The following ACAP2 variants were observed in gnomAD, a reference collection of about 807,000 sequenced individuals.
The protein encoded by ACAP2 is arf-GAP with coiled-coil, ANK repeat and PH domain-containing protein 2.
A neutral mutation model predicts 115.8 loss-of-function variants in ACAP2; 39 were observed. That is an observed-to-expected ratio of 0.34 (90% CI 0.26 to 0.44). ACAP2 has a LOEUF of 0.44. ACAP2 is among the 20% of genes least tolerant of loss of function. The pLI is 1.00. For missense variants in ACAP2, 662 were observed against 927.6 expected (o/e 0.71, Z 3.72); for synonymous variants, 289 against 315.8 (o/e 0.92, Z 0.90).
chr3:195,327,205 C>T (rs1377032198), intron 8 of ACAP2, among the ~76,000 whole-genome samples: 3 of 152,086 alleles, frequency 2.0e-5, no homozygotes, highest in South Asian at 2.1e-4. Flanking sequence ...CATACATATA[C>T]GATTGCAGAC....
Position 195,350,055 on chromosome 3 carries a change from C to T in ACAP2, c.286-4738G>A, listed in dbSNP as rs997268416. ...ACCACTGATTGTCAAATAAAGTGAG[C>T]AAATCATACACACACAAATAGACAG... is the stretch of plus-strand genomic sequence containing the variant. On this transcript the variant is annotated intron_variant, in intron 4 of 22. Transcript: ENST00000326793. 3 of 169,818 alleles carry T rather than the reference C, an allele frequency of 1.8e-5. No individual in the cohort carries two copies. In the South Asian group the frequency reaches 4.2e-4, roughly 24 times the overall value. 10.5% of individuals were successfully genotyped at this position (169,818 alleles called of 1,614,324 possible).
In ACAP2 at chr3:195,291,696, C is replaced by T; in HGVS notation, c.2063+10G>A. On this transcript the variant is annotated intron_variant, in intron 20 of 22. Coordinates refer to ENST00000326793, the MANE Select transcript of ACAP2 (RefSeq NM_012287.6). ...TAAAGTCTCCTTAAATATGAAAGCA[C>T]TGCAGTTACCCTGTGTGCCCTAAGA... 6.3e-7 allele frequency: 1 copy of T among 1,592,736 alleles called. No individual in the cohort carries two copies. Among genetic ancestry groups the T allele is most frequent in the Non-Finnish European group, 8.5e-7 (1 of 1,172,006 alleles).
chr3:195,328,562 C>A (rs1046484324), intron 8 of ACAP2, among the ~76,000 whole-genome samples: 1 of 152,098 alleles, frequency 6.6e-6, no homozygotes, highest in African/African-American at 2.4e-5. Flanking sequence ...GTACATGGTG[C>A]GCTAGAAAAA....
In ACAP2 at chr3:195,420,991, G is replaced by A. The variant is rs1027037179; in HGVS notation, c.53+21804C>T. Among the ~76,000 whole-genome samples, 9 of 152,246 alleles carry A rather than the reference G, an allele frequency of 5.9e-5. 1 individual carries two copies. Among genetic ancestry groups the A allele is most frequent in the Admixed American group, 5.9e-4 (9 of 15,292 alleles). On this transcript the variant is annotated intron_variant, in intron 1 of 22. Transcript: ENST00000326793. Reference sequence around the variant, plus strand: ...ACTTGTTCTATAGTGATAGAATAAGGAATAGGGTTATAGACAGCCAATGGA... The same window carrying A: ...ACTTGTTCTATAGTGATAGAATAAGAAATAGGGTTATAGACAGCCAATGGA...
intron 4 of ACAP2, among the ~76,000 whole-genome samples, chr3:195,354,314 A>T (rs1319402829): frequency 6.6e-6 from 1 of 152,214 alleles, no homozygotes; most frequent in African/African-American, 2.4e-5. Flanking sequence ...ATACACATAC[A>T]TATGTCTTTA....
intron 2 of ACAP2, among the ~76,000 whole-genome samples, chr3:195,388,426 G>A (rs780221315): frequency 2.0e-5 from 3 of 152,352 alleles, no homozygotes; most frequent in South Asian, 2.1e-4. Context: ...ATTGAACTCC[G>A]TAGAGCAATG....
At chr3:195,379,458 TCAA>T (rs762499348) in intron 4 of ACAP2, among the ~76,000 whole-genome samples, 17 of 151,690 alleles carry the variant, frequency 1.1e-4, no homozygotes, top group East Asian at 5.8e-4. Context: ...CAAGTGTAAG[TCAA>T]CAACAACAAC....
rs531791496 is a variant in ACAP2 at position 195,301,410 on chromosome 3, C to T, written c.1395+165G>A. On this transcript the variant is annotated intron_variant, in intron 15 of 22. Transcript: ENST00000326793. Reference sequence around the variant, plus strand: ...CAAATGTAGCCATTTTTAAAACTTACAATGAAAACACCAGATTTGCCAAAA... The same window carrying T: ...CAAATGTAGCCATTTTTAAAACTTATAATGAAAACACCAGATTTGCCAAAA... 7.9e-5 allele frequency among the ~76,000 whole-genome samples: 12 copies of T among 152,236 alleles called. No homozygotes were observed. In the East Asian group the frequency reaches 1.7e-3, roughly 22 times the overall value.
chr3:195,419,149 T>A (rs1713973202), intron 1 of ACAP2, among the ~76,000 whole-genome samples: 1 of 152,020 alleles, frequency 6.6e-6, no homozygotes, highest in Non-Finnish European at 1.5e-5. Context: ...ATACTCAGAG[T>A]TGTGCACCCA....
chr3:195,396,281 G>GA (rs984844658), intron 1 of ACAP2, among the ~76,000 whole-genome samples: 7 of 151,150 alleles, frequency 4.6e-5, no homozygotes, highest in Non-Finnish European at 8.9e-5. Context: ...AACTAGAAGA[G>GA]AAAAAAATCC....
chr3:195,310,715 TG>T (rs1227928922), intron 10 of ACAP2, among the ~76,000 whole-genome samples: 1 of 152,224 alleles, frequency 6.6e-6, no homozygotes, highest in Non-Finnish European at 1.5e-5. Flanking sequence ...CTTATGTTGT[TG>T]TCAAAGAGCT....
intron 6 of ACAP2, 125 bp from the exon 7 acceptor site, chr3:195,337,101 A>C (rs933632572): frequency 1.3e-6 from 1 of 798,618 alleles, no homozygotes; most frequent in African/African-American, 1.8e-5. Context: ...ACAAAGCTCA[A>C]GCTTTTTCAT....
rs557419884 is a variant in ACAP2 at position 195,327,842 on chromosome 3, A to C, written c.670-883T>G. Among the ~76,000 whole-genome samples the C allele has an allele frequency of 4.9e-4, 74 of 152,210 alleles. No individual in the cohort carries two copies. In the South Asian group the frequency reaches 0.015, roughly 30 times the overall value. ...CCTACTCGGGAGGCTGAGGCAGCAG[A>C]ATCACTTGAACCCACGAGGCAGAGG... On this transcript the variant is annotated intron_variant, in intron 8 of 22. Coordinates refer to ENST00000326793, the MANE Select transcript of ACAP2 (RefSeq NM_012287.6).
rs62983860 is a variant in ACAP2 at position 195,396,793 on chromosome 3, G to GAAA, written c.54-4649_54-4647dup. Among the ~76,000 whole-genome samples, 382 of 91,730 alleles carry GAAA rather than the reference G, an allele frequency of 4.2e-3. 14 individuals carry two copies. Among genetic ancestry groups the GAAA allele is most frequent in the Middle Eastern group, 0.011 (1 of 88 alleles). 60.2% of individuals were successfully genotyped at this position (91,730 alleles called of 152,430 possible). On this transcript the variant is annotated intron_variant, in intron 1 of 22. Coordinates refer to ENST00000326793, the MANE Select transcript of ACAP2 (RefSeq NM_012287.6). ...CAGAGTGAGACTGTGTCTCAAAAAAGAAAAAAAAAAAAAAAAAAAAAGAAG... is the reference window on the plus strand; with the variant it reads ...CAGAGTGAGACTGTGTCTCAAAAAAGAAAAAAAAAAAAAAAAAAAAAAAAGAAG...
chr3:195,302,064 A>G lies in ACAP2; in HGVS notation c.1227T>C (p.Pro409=). The part of the protein sequence containing the change: ...ESALQRVQCI[P]GNASCCDCGL... ...CACAGTCACAACAGCTGGCATTGCCAGGGATACACTGGACCCGCTGAAGCG... is the reference window on the plus strand; with the variant it reads ...CACAGTCACAACAGCTGGCATTGCCGGGGATACACTGGACCCGCTGAAGCG... The change falls in exon 14 of 23, where the codon CCT becomes CCC. Residue 409 remains proline (P), a synonymous_variant. Transcript: ENST00000326793. 2 of 1,614,204 alleles carry G rather than the reference A, an allele frequency of 1.2e-6. No individual in the cohort carries two copies. The highest frequency in any genetic ancestry group is 1.7e-6 in the Non-Finnish European group (2 of 1,180,036).
At chr3:195,321,216 C>CTTTT (rs34165362) in intron 9 of ACAP2, among the ~76,000 whole-genome samples, 46 of 102,230 alleles carry the variant, frequency 4.5e-4, no homozygotes, top group Non-Finnish European at 5.4e-4. Context: ...TTTATCACAA[C>CTTTT]TTTTTTTTTT....
At chr3:195,369,814 G>A (rs1346221397) in intron 4 of ACAP2, among the ~76,000 whole-genome samples, 13 of 152,056 alleles carry the variant, frequency 8.5e-5, no homozygotes, top group Non-Finnish European at 8.8e-5. Flanking sequence ...TCTGCTTTTC[G>A]GTCTTTGAGA....
chr3:195,369,545 T>G (rs1183281843), intron 4 of ACAP2, among the ~76,000 whole-genome samples: 1 of 152,230 alleles, frequency 6.6e-6, no homozygotes, highest in Non-Finnish European at 1.5e-5. Context: ...CTATGTTAGT[T>G]TGGATAATGG....
chr3:195,381,899 T>C lies in ACAP2; in HGVS notation c.231+4A>G. The C allele has an allele frequency of 6.3e-7, 1 of 1,588,608 alleles. No individual in the cohort carries two copies. The highest frequency in any genetic ancestry group is 8.5e-7 in the Non-Finnish European group (1 of 1,172,774). On this transcript the variant is annotated splice_donor_region_variant and intron_variant, in intron 3 of 22. Transcript: ENST00000326793. ...TTTTTAACTGCAATTTTAGTAATAC[T>C]AACCTCAACGACAGCATCATTACTA...
Sources: gnomAD v4.1 joint callset for allele counts (sites outside exome capture counted in the v4.1 genomes callset) on GRCh38, gnomAD v4.1.1 for gene constraint, MANE v1.5 for transcripts, NCBI Gene and HGNC (gene_info 2026-07-23, HGNC 2026-07-21) for gene names.